The following PTPRD variants were observed in gnomAD, a reference collection of about 807,000 sequenced individuals.
PTPRD encodes protein tyrosine phosphatase receptor type D.
Under a neutral mutation model 214.5 loss-of-function variants are expected in PTPRD, and 34 were observed. The ratio of observed to expected loss-of-function variants is 0.16; its 90% CI spans 0.12 to 0.21. PTPRD has a LOEUF of 0.21. PTPRD is among the 10% of genes least tolerant of loss of function. PTPRD has a pLI of 1.00. For synonymous variants in PTPRD, 1,128 were observed against 845.7 expected (o/e 1.33, Z -5.79); for missense variants, 2,545 against 2,398.7 (o/e 1.06, Z -1.27).
At position 10,453,138 on chromosome 9, in the gene PTPRD, A is replaced by T. The variant is rs540843319; in HGVS notation, c.-599-112121T>A. Among the ~76,000 whole-genome samples the T allele has an allele frequency of 4.6e-5, 7 of 151,472 alleles. No homozygotes were observed. The South Asian group carries it at 1.5e-3, about 32-fold the overall frequency. ...AGGATTAGTTGCCCATATATAGATGATTTTATTTCTGTCTCCATATTCTGT... is the reference window on the plus strand; with the variant it reads ...AGGATTAGTTGCCCATATATAGATGTTTTTATTTCTGTCTCCATATTCTGT... On this transcript the variant is annotated intron_variant, in intron 2 of 45. Transcript: ENST00000381196.
At chr9:9,232,992 C>T (rs2099964086) in intron 9 of PTPRD, among the ~76,000 whole-genome samples, 1 of 152,136 alleles carries the variant, frequency 6.6e-6, no homozygotes, top group African/African-American at 2.4e-5. Flanking sequence ...AATTCTCTAA[C>T]CCAACCTTGT....
intron 9 of PTPRD, among the ~76,000 whole-genome samples, chr9:9,231,673 A>G (rs1481238305): frequency 6.6e-6 from 1 of 152,062 alleles, no homozygotes; most frequent in African/African-American, 2.4e-5. Flanking sequence ...ATCTCTATTA[A>G]GTATATAGAA....
chr9:9,412,126 A>T (rs1459670919), intron 8 of PTPRD, among the ~76,000 whole-genome samples: 1 of 152,198 alleles, frequency 6.6e-6, no homozygotes, highest in Admixed American at 6.5e-5. Flanking sequence ...CCCAAATCAT[A>T]TATAGCACTT....
At chr9:10,425,268 T>G (rs1340687207) in intron 2 of PTPRD, among the ~76,000 whole-genome samples, 2 of 151,980 alleles carry the variant, frequency 1.3e-5, no homozygotes, top group Non-Finnish European at 2.9e-5. Flanking sequence ...GGTATTAAAA[T>G]GCTAAACAAA....
At position 9,661,470 on chromosome 9, in the gene PTPRD, G is replaced by C. The variant is rs1035134165; in HGVS notation, c.-287+73063C>G. On this transcript the variant is annotated intron_variant, in intron 7 of 45. Transcript: ENST00000381196. ...GCCATTTAACATTATATTAAACTATGGTATCGTTGGACAATAATTGCTACC... is the reference window on the plus strand; with the variant it reads ...GCCATTTAACATTATATTAAACTATCGTATCGTTGGACAATAATTGCTACC... Among the ~76,000 whole-genome samples, 12 of 151,708 alleles carry C rather than the reference G, an allele frequency of 7.9e-5. 1 individual carries two copies. The South Asian group carries it at 2.5e-3, about 32-fold the overall frequency.
chr9:8,892,120 C>T (rs1450481315), intron 11 of PTPRD, among the ~76,000 whole-genome samples: 1 of 152,098 alleles, frequency 6.6e-6, no homozygotes, highest in African/African-American at 2.4e-5. Flanking sequence ...TCTTCTGATC[C>T]TCTGCTGACC....
At chr9:8,386,169 T>A (rs2086956673) in intron 37 of PTPRD, among the ~76,000 whole-genome samples, 1 of 151,974 alleles carries the variant, frequency 6.6e-6, no homozygotes, top group Non-Finnish European at 1.5e-5. Context: ...ATTTGAGGAG[T>A]CAAGTAAACT....
At chr9:10,067,448 A>G (rs1029339368) in intron 3 of PTPRD, among the ~76,000 whole-genome samples, 1 of 151,904 alleles carries the variant, frequency 6.6e-6, no homozygotes, top group Non-Finnish European at 1.5e-5. Context: ...GAGCACTAAC[A>G]TAATTTTCAG....
intron 9 of PTPRD, among the ~76,000 whole-genome samples, chr9:9,378,131 C>T (rs1187220638): frequency 6.6e-6 from 1 of 152,062 alleles, no homozygotes; most frequent in Non-Finnish European, 1.5e-5. Context: ...GTGTTATACA[C>T]TTTATGGATG....
intron 3 of PTPRD, among the ~76,000 whole-genome samples, chr9:10,323,777 G>C (rs1422158445): frequency 6.6e-6 from 1 of 151,832 alleles, no homozygotes; most frequent in Admixed American, 6.6e-5. Context: ...TTTAAATATT[G>C]GGATATAATA....
chr9:8,753,966 G>A (rs1281679568), intron 11 of PTPRD, among the ~76,000 whole-genome samples: 1 of 152,008 alleles, frequency 6.6e-6, no homozygotes, highest in African/African-American at 2.4e-5. Flanking sequence ...CCAACGTGGA[G>A]AAACCCGGTC....
intron 7 of PTPRD, among the ~76,000 whole-genome samples, chr9:9,698,604 G>T (rs766441788): frequency 1.2e-4 from 18 of 152,138 alleles, no homozygotes; most frequent in Non-Finnish European, 2.5e-4. Flanking sequence ...TGGTAGTCCT[G>T]CCACCCTCCC....
At chr9:8,932,837 C>G (rs2098962391) in intron 11 of PTPRD, among the ~76,000 whole-genome samples, 1 of 152,170 alleles carries the variant, frequency 6.6e-6, no homozygotes, top group African/African-American at 2.4e-5. Flanking sequence ...TGAGCTAGAC[C>G]ACTTGGCTCC....
intron 4 of PTPRD, among the ~76,000 whole-genome samples, chr9:9,956,958 A>G (rs1208575672): frequency 2.0e-5 from 3 of 152,210 alleles, no homozygotes; most frequent in African/African-American, 7.2e-5. Context: ...AGCAAAAAAA[A>G]TCAGTGCCCG....
chr9:10,017,611 G>A (rs543440410), intron 4 of PTPRD, among the ~76,000 whole-genome samples: 2 of 151,978 alleles, frequency 1.3e-5, no homozygotes, highest in Non-Finnish European at 2.9e-5. Flanking sequence ...GTGTGAAGTA[G>A]GAGGCCAATT....
chr9:10,171,358 G>T (rs2099204318), intron 3 of PTPRD, among the ~76,000 whole-genome samples: 1 of 151,820 alleles, frequency 6.6e-6, no homozygotes, highest in Admixed American at 6.6e-5. Context: ...GAGATCTGAT[G>T]GTTTTATAAG....
intron 14 of PTPRD, among the ~76,000 whole-genome samples, chr9:8,551,428 T>C (rs753275190): frequency 1.3e-5 from 2 of 152,234 alleles, no homozygotes; most frequent in Non-Finnish European, 2.9e-5. Context: ...CTTATTATTA[T>C]AGATAAGAGA....
At chr9:10,371,732 G>A (rs893799724) in intron 2 of PTPRD, among the ~76,000 whole-genome samples, 6 of 151,996 alleles carry the variant, frequency 3.9e-5, no homozygotes, top group Admixed American at 1.3e-4. Flanking sequence ...ATAGCATAAA[G>A]GAAATTGATC....
chr9:8,774,123 T>C (rs2095358500), intron 11 of PTPRD, among the ~76,000 whole-genome samples: 1 of 152,214 alleles, frequency 6.6e-6, no homozygotes, highest in African/African-American at 2.4e-5. Flanking sequence ...TCAGATATGT[T>C]TCCTCATTTG....
Sources: gnomAD v4.1 joint callset for allele counts (sites outside exome capture counted in the v4.1 genomes callset) on GRCh38, gnomAD v4.1.1 for gene constraint, MANE v1.5 for transcripts, NCBI Gene and HGNC (gene_info 2026-07-23, HGNC 2026-07-21) for gene names.